RSPH14: variants seen among roughly 807,000 people sequenced by gnomAD.
The protein encoded by RSPH14 is rhabdoid tumor deletion region gene 1.
In RSPH14, 20 loss-of-function variants were observed where a neutral mutation model predicts 26.7. The ratio of observed to expected loss-of-function variants is 0.75; its 90% CI spans 0.53 to 1.09. The LOEUF is 1.09. RSPH14 is among the 50% of genes least tolerant of loss of function. The pLI is 0.00. For synonymous variants in RSPH14, 177 were observed against 189.3 expected (o/e 0.93, Z 0.53); for missense variants, 449 against 457.2 (o/e 0.98, Z 0.16).
At chr22:23,109,597 G>C (rs1026475082) in intron 4 of RSPH14, among the ~76,000 whole-genome samples, 1 of 152,174 alleles carries the variant, frequency 6.6e-6, no homozygotes, top group African/African-American at 2.4e-5. Flanking sequence ...TGAGAGCCAT[G>C]GAGTGGCAGA....
chr22:23,121,587 C>T (rs1027921670), intron 4 of RSPH14, among the ~76,000 whole-genome samples: 1 of 152,218 alleles, frequency 6.6e-6, no homozygotes, highest in African/African-American at 2.4e-5. Context: ...TCGTGTCCAG[C>T]TGTGGTTACC....
At chr22:23,150,293 C>CTT in the RSPH14 span, 6 of 496,530 alleles carry the variant, frequency 1.2e-5, no homozygotes, top group East Asian at 3.6e-5. Flanking sequence ...CTGGGGTTTT[C>CTT]TTTTTTTTTT....
rs768834653 is a variant in RSPH14 at position 23,063,913 on chromosome 22, G to A, written c.642C>T (p.Leu214=). 1.9e-6 allele frequency: 3 copies of A among 1,613,992 alleles called. No individual in the cohort carries two copies. The highest frequency in any genetic ancestry group is 1.3e-5 in the African/African-American group (1 of 74,914). ...QNIRSKAARA[L]LNVSISREGK... is the part of the protein sequence containing the mutation. ...AGGCCAGGCCTCACCTGACATTAAG[G>A]AGCGCACGGGCGGCCTTGCTGCGGA... Residue 214 remains leucine, a synonymous_variant, in exon 5 of 7, where the codon CTC becomes CTT. Coordinates refer to ENST00000216036, the MANE Select transcript of RSPH14 (RefSeq NM_014433.3).
the RSPH14 span, among the ~76,000 whole-genome samples, chr22:23,160,559 A>G: frequency 6.6e-6 from 1 of 152,326 alleles, no homozygotes; most frequent in South Asian, 2.1e-4. Flanking sequence ...CACTTGGGCC[A>G]TAGTAGCATC....
intron 4 of RSPH14, among the ~76,000 whole-genome samples, chr22:23,096,781 A>T (rs1164961727): frequency 6.6e-6 from 1 of 152,208 alleles, no homozygotes; most frequent in Non-Finnish European, 1.5e-5. Context: ...CACCCCTGCA[A>T]CCCCATCTTG....
chr22:23,077,959 C>CCAG (rs1280256711), intron 4 of RSPH14, among the ~76,000 whole-genome samples: 1 of 152,202 alleles, frequency 6.6e-6, no homozygotes, highest in Non-Finnish European at 1.5e-5. Flanking sequence ...AGGGCTTGGC[C>CCAG]CTCATGCCTC....
intron 4 of RSPH14, among the ~76,000 whole-genome samples, chr22:23,074,777 C>A (rs2146251088): frequency 6.6e-6 from 1 of 152,238 alleles, no homozygotes; most frequent in East Asian, 1.9e-4. Context: ...AAGAGCGGGT[C>A]CCAGAGAGCA....
the RSPH14 span, among the ~76,000 whole-genome samples, chr22:23,154,994 G>A: frequency 2.4e-4 from 36 of 152,240 alleles, no homozygotes; most frequent in Middle Eastern, 3.4e-3. Flanking sequence ...GCACAGTGGT[G>A]CATGCCTGTA....
At chr22:23,144,527 A>T (rs1000012092), upstream of RSPH14, among the ~76,000 whole-genome samples, 3 of 152,158 alleles carry the variant, frequency 2.0e-5, no homozygotes, top group African/African-American at 7.2e-5. Flanking sequence ...TCACCCCCTA[A>T]GCCTCAACCT....
chr22:23,145,185 G>C (rs572769219), upstream of RSPH14: 21 of 620,728 alleles, frequency 3.4e-5, no homozygotes, highest in Admixed American at 4.7e-4. Context: ...GAACCTGCGC[G>C]AATCTCTCCA....
intron 4 of RSPH14, chr22:23,070,353 T>TGGCGGCC (rs1555945381): frequency 7.0e-6 from 1 of 142,308 alleles, no homozygotes; most frequent in South Asian, 2.1e-4. Context: ...ACCCGCGGAC[T>TGGCGGCC]GGCGGCGGGC....
chr22:23,123,461 G>A, intron 4 of RSPH14: 1 of 1,475,360 alleles, frequency 6.8e-7, no homozygotes, highest in Non-Finnish European at 9.4e-7. Context: ...GCCTGCCTAT[G>A]GTGAAACCCA....
Position 23,106,814 on chromosome 22 carries a change from G to C in RSPH14, c.421+27212C>G, listed in dbSNP as rs147207775. 2.5e-3 allele frequency among the ~76,000 whole-genome samples: 378 copies of C among 152,350 alleles called. 4 individuals are homozygous for C. Among genetic ancestry groups the C allele is most frequent in the African/African-American group, 8.8e-3 (365 of 41,600 alleles). ...GGAAACTCGGGTTTCAGGAAAAGTTGTCCCTGTGGCAAAGTGGGGGCCTTC... is the reference window on the plus strand; with the variant it reads ...GGAAACTCGGGTTTCAGGAAAAGTTCTCCCTGTGGCAAAGTGGGGGCCTTC... On this transcript the variant is annotated intron_variant, in intron 4 of 6. Transcript: ENST00000216036.
the RSPH14 span, chr22:23,150,246 A>G: frequency 9.7e-7 from 1 of 1,030,474 alleles, no homozygotes; most frequent in Non-Finnish European, 1.5e-6. Context: ...AAACACACAC[A>G]CGAGGCTGGT....
At chr22:23,173,906 C>T in the RSPH14 span, among the ~76,000 whole-genome samples, 3 of 151,954 alleles carry the variant, frequency 2.0e-5, no homozygotes, top group Non-Finnish European at 4.4e-5. Flanking sequence ...GACAGGGTTT[C>T]GCCATGTTGG....
chr22:23,117,292 C>G (rs1050102747), intron 4 of RSPH14, among the ~76,000 whole-genome samples: 17 of 152,170 alleles, frequency 1.1e-4, no homozygotes, highest in Admixed American at 2.0e-4. Flanking sequence ...TAAGTAAGGT[C>G]CAGGTGGCTG....
chr22:23,102,508 G>T (rs2069332689), intron 4 of RSPH14, among the ~76,000 whole-genome samples: 2 of 152,248 alleles, frequency 1.3e-5, no homozygotes, highest in South Asian at 4.1e-4. Flanking sequence ...CCCGCCTTGT[G>T]CAGTGGCTCC....
chr22:23,171,530 C>T, the RSPH14 span, among the ~76,000 whole-genome samples: 1,611 of 152,230 alleles, frequency 0.011, 31 homozygotes, highest in African/African-American at 0.037. Flanking sequence ...CCATTGTATA[C>T]ATGTACATAC....
the RSPH14 span, chr22:23,164,059 G>A: frequency 6.6e-6 from 1 of 152,224 alleles, no homozygotes; most frequent in Admixed American, 6.5e-5. Context: ...TCCCGACTGC[G>A]GCCCCCAGCC....
Sources: allele counts gnomAD v4.1 joint callset (sites outside exome capture counted in the v4.1 genomes callset), GRCh38; gene constraint gnomAD v4.1.1; transcripts MANE v1.5; gene names NCBI Gene and HGNC (gene_info 2026-07-23, HGNC 2026-07-21).